Variants in DLGAP2 observed in about 807,000 individuals in gnomAD.
The protein encoded by DLGAP2 is DLG associated protein 2.
Under a neutral mutation model 100.3 loss-of-function variants are expected in DLGAP2, and 26 were observed. That is an observed-to-expected ratio of 0.26 (90% CI 0.19 to 0.36). DLGAP2 has a LOEUF of 0.36. DLGAP2 is among the 10% of genes least tolerant of loss of function. The probability of loss-of-function intolerance (pLI) is 1.00; values close to 1 mark genes in which losing one functional copy is unlikely to be tolerated. For missense variants in DLGAP2, 1,858 were observed against 1,453.2 expected, an observed-to-expected ratio of 1.28 and a Z score of -4.53; for synonymous variants, 886 against 630.1, an observed-to-expected ratio of 1.41 and a Z score of -6.08.
At chr8:1,468,202 C>T (rs534989150) in intron 3 of DLGAP2, among the ~76,000 whole-genome samples, 3 of 152,204 alleles carry the variant, frequency 2.0e-5, no homozygotes, top group East Asian at 1.9e-4. Context: ...AGCGTGGATC[C>T]GGGCTGGCCC....
At chr8:1,337,038 T>G (rs1801290435) in intron 3 of DLGAP2, among the ~76,000 whole-genome samples, 1 of 152,144 alleles carries the variant, frequency 6.6e-6, no homozygotes, top group African/African-American at 2.4e-5. Context: ...TGGTGATCAG[T>G]ACATAGTAAC....
intron 2 of DLGAP2, among the ~76,000 whole-genome samples, chr8:1,050,662 A>C (rs373178658): frequency 6.6e-6 from 1 of 152,210 alleles, no homozygotes; most frequent in East Asian, 1.9e-4. Context: ...CTTCCAACCC[A>C]GTCTCCTCAT....
chr8:1,572,361 G>A (rs113418913), intron 6 of DLGAP2, among the ~76,000 whole-genome samples: 1,273 of 100,818 alleles, frequency 0.013, 81 homozygotes, highest in African/African-American at 0.037. Context: ...GGAGAGGAGA[G>A]AGGGTGAACT....
intron 2 of DLGAP2, chr8:1,104,907 T>C (rs1804706211): frequency 6.6e-6 from 1 of 152,232 alleles, no homozygotes; most frequent in South Asian, 2.1e-4. Flanking sequence ...ACCGGCAGCT[T>C]CCTTCTTAGC....
rs193165274 is a variant in DLGAP2 at position 946,509 on chromosome 8, C to T, written c.73+38543C>T. On this transcript the variant is annotated intron_variant, in intron 2 of 14. Coordinates refer to ENST00000637795, the MANE Select transcript of DLGAP2 (RefSeq NM_001346810.2). The stretch of plus-strand genomic sequence containing the variant: ...CGATCTCCTGACCTTGTGATCTGCC[C>T]GCCTTGGCCTCCCAAAGTGCTGGGA... Among the ~76,000 whole-genome samples, 50 of 152,116 alleles carry T rather than the reference C, an allele frequency of 3.3e-4. 1 individual carries two copies. In the South Asian group the frequency reaches 7.9e-3, roughly 24 times the overall value.
intron 1 of DLGAP2, among the ~76,000 whole-genome samples, chr8:749,787 C>T (rs1820745309): frequency 6.6e-6 from 1 of 152,156 alleles, no homozygotes; most frequent in African/African-American, 2.4e-5. Flanking sequence ...GCAGAGCGCG[C>T]TCTTGGTGCT....
At chr8:1,202,842 G>A (rs1387088187) in intron 2 of DLGAP2, among the ~76,000 whole-genome samples, 2 of 152,230 alleles carry the variant, frequency 1.3e-5, no homozygotes, top group African/African-American at 4.8e-5. Flanking sequence ...CGAGGAAAAA[G>A]CAGCCATGTC....
intron 6 of DLGAP2, among the ~76,000 whole-genome samples, chr8:1,585,285 A>C (rs1428346695): frequency 1.3e-5 from 2 of 152,186 alleles, no homozygotes; most frequent in Non-Finnish European, 2.9e-5. Flanking sequence ...CAAGATGGCA[A>C]AACCCTGTCT....
At chr8:800,350 G>A (rs558392270) in intron 1 of DLGAP2, among the ~76,000 whole-genome samples, 1 of 152,368 alleles carries the variant, frequency 6.6e-6, no homozygotes, top group African/African-American at 2.4e-5. Context: ...ATGTTTGTTT[G>A]GTGTTGCCTG....
intron 1 of DLGAP2, among the ~76,000 whole-genome samples, chr8:867,506 C>T (rs1019143138): frequency 3.9e-5 from 6 of 152,178 alleles, no homozygotes; most frequent in African/African-American, 1.4e-4. Context: ...AAAAGGGGAA[C>T]AGTGTTGTGA....
intron 2 of DLGAP2, among the ~76,000 whole-genome samples, chr8:1,171,792 G>T (rs1797133896): frequency 1.3e-5 from 2 of 151,968 alleles, no homozygotes; most frequent in Non-Finnish European, 2.9e-5. Context: ...CACGTGAGAT[G>T]GGTTTCCTGA....
chr8:1,337,704 C>A (rs1381501271), intron 3 of DLGAP2, among the ~76,000 whole-genome samples: 2 of 152,084 alleles, frequency 1.3e-5, no homozygotes, highest in Non-Finnish European at 2.9e-5. Flanking sequence ...AACAGACAAA[C>A]TTTATTGACA....
intron 1 of DLGAP2, among the ~76,000 whole-genome samples, chr8:896,262 C>T (rs1051234245): frequency 1.7e-4 from 26 of 151,554 alleles, no homozygotes; most frequent in Middle Eastern, 3.4e-3. Flanking sequence ...AGGTGTCAAT[C>T]TCCAGGGTTT....
intron 1 of DLGAP2, chr8:822,230 C>T (rs1456789803): frequency 6.0e-5 from 24 of 399,254 alleles, no homozygotes; most frequent in Non-Finnish European, 5.3e-5. Context: ...CTGTGTGTGT[C>T]CGTCTTGCGG....
chr8:1,267,952 A>G (rs1284771008), intron 3 of DLGAP2, among the ~76,000 whole-genome samples: 1 of 152,200 alleles, frequency 6.6e-6, no homozygotes, highest in African/African-American at 2.4e-5. Flanking sequence ...TTCTTATTAC[A>G]ATATAAGTGC....
intron 2 of DLGAP2, chr8:1,137,155 G>T (rs1563211087): frequency 6.6e-6 from 1 of 152,336 alleles, no homozygotes. Flanking sequence ...CCTCCTTGTG[G>T]CCTCCTCCCT....
At chr8:1,135,770 A>G (rs892850259) in intron 2 of DLGAP2, among the ~76,000 whole-genome samples, 1 of 152,202 alleles carries the variant, frequency 6.6e-6, no homozygotes, top group Non-Finnish European at 1.5e-5. Context: ...TTTTGTGGAC[A>G]GTATGAGCTG....
At chr8:1,519,735 C>G (rs1002477805) in intron 4 of DLGAP2, among the ~76,000 whole-genome samples, 19 of 152,262 alleles carry the variant, frequency 1.2e-4, no homozygotes, top group Non-Finnish European at 2.6e-4. Context: ...AAGAAGCCAG[C>G]CTGCGGGCCT....
At chr8:1,467,543 C>T (rs916549583) in intron 3 of DLGAP2, among the ~76,000 whole-genome samples, 5 of 152,074 alleles carry the variant, frequency 3.3e-5, no homozygotes, top group African/African-American at 1.2e-4. Context: ...CACAAGCTGG[C>T]GTTTGCTGAG....
Sources: allele counts gnomAD v4.1 joint callset (sites outside exome capture counted in the v4.1 genomes callset), GRCh38; gene constraint gnomAD v4.1.1; transcripts MANE v1.5; gene names NCBI Gene and HGNC (gene_info 2026-07-23, HGNC 2026-07-21).